Variants in ST8SIA6 observed in about 807,000 individuals in gnomAD.
ST8SIA6 encodes ST8 alpha-N-acetyl-neuraminide alpha-2,8-sialyltransferase 6.
In ST8SIA6, 39 loss-of-function variants were observed where a neutral mutation model predicts 33.6. That is an observed-to-expected ratio of 1.16 (90% CI 0.90 to 1.52). The LOEUF (loss-of-function observed/expected upper bound fraction) is 1.52, where lower values mean the gene tolerates loss of function less well. ST8SIA6 is among the 40% of genes most tolerant of loss of function. The pLI is 0.00. For missense variants in ST8SIA6, 441 were observed against 443.8 expected (o/e 0.99, Z 0.06); for synonymous variants, 172 against 167.2 (o/e 1.03, Z -0.22).
intron 2 of ST8SIA6, among the ~76,000 whole-genome samples, chr10:17,440,418 A>T (rs1852436282): frequency 6.6e-6 from 1 of 151,876 alleles, no homozygotes; most frequent in Non-Finnish European, 1.5e-5. Context: ...GTTGGCCAGG[A>T]TGGTCTCGAA....
At chr10:17,422,992 C>A (rs1208451128) in intron 2 of ST8SIA6, among the ~76,000 whole-genome samples, 1 of 152,126 alleles carries the variant, frequency 6.6e-6, no homozygotes, top group Non-Finnish European at 1.5e-5. Flanking sequence ...GATGAAAATC[C>A]CGTTCAATGT....
chr10:17,384,970 G>A (rs386839), intron 3 of ST8SIA6, among the ~76,000 whole-genome samples: 35,081 of 151,934 alleles, frequency 0.23, 5,131 homozygotes, highest in East Asian at 0.64. Flanking sequence ...AGCAATGAAA[G>A]ATCAGATGAA....
chr10:17,431,406 T>C (rs1215032793), intron 2 of ST8SIA6, among the ~76,000 whole-genome samples: 1 of 152,186 alleles, frequency 6.6e-6, no homozygotes, highest in East Asian at 1.9e-4. Context: ...GGAATAATGA[T>C]ATACCAATTT....
chr10:17,382,302 A>C (rs1850180204), intron 3 of ST8SIA6, among the ~76,000 whole-genome samples: 1 of 151,896 alleles, frequency 6.6e-6, no homozygotes, highest in Admixed American at 6.6e-5. Context: ...TCTTGCTCTT[A>C]TCACCCAGGC....
At chr10:17,380,058 T>C (rs1356363251) in intron 3 of ST8SIA6, among the ~76,000 whole-genome samples, 1 of 152,336 alleles carries the variant, frequency 6.6e-6, no homozygotes, top group Middle Eastern at 3.4e-3. Context: ...TTGGTTGAGA[T>C]CTAAAGTTTA....
intron 4 of ST8SIA6, among the ~76,000 whole-genome samples, chr10:17,347,767 C>T (rs953475197): frequency 1.1e-4 from 17 of 151,916 alleles, no homozygotes; most frequent in Non-Finnish European, 2.9e-5. Context: ...AACCCTGTCT[C>T]TACTAAAAAT....
At chr10:17,323,223 A>ATG (rs1423700675) in intron 6 of ST8SIA6, 66 bp from the exon 7 acceptor site, 54 of 951,206 alleles carry the variant, frequency 5.7e-5, no homozygotes, top group South Asian at 2.2e-4. Flanking sequence ...ATACACACAT[A>ATG]TGCGCGCACA....
chr10:17,316,310 A>G lies in ST8SIA6; in HGVS notation c.*4568T>C, dbSNP rs1267362066. On this transcript the variant is annotated 3_prime_UTR_variant, in exon 8 of 8. Transcript: ENST00000377602. ...CCTTTATGCTAAATTTAAAGGACAT[A>G]CCCTTATTTCTGTATATATGTCCAG... 3.9e-5 allele frequency among the ~76,000 whole-genome samples: 6 copies of G among 151,936 alleles called. No homozygotes were observed. Among genetic ancestry groups the G allele is most frequent in the Non-Finnish European group, 1.5e-5 (1 of 67,892 alleles).
chr10:17,449,748 A>C (rs1852843715), intron 2 of ST8SIA6, among the ~76,000 whole-genome samples: 1 of 152,346 alleles, frequency 6.6e-6, no homozygotes, highest in African/African-American at 2.4e-5. Context: ...GGCAAATAGA[A>C]TATGAAACAG....
intron 2 of ST8SIA6, among the ~76,000 whole-genome samples, chr10:17,405,495 AAT>A (rs1288991087): frequency 6.6e-6 from 1 of 151,302 alleles, no homozygotes; most frequent in East Asian, 1.9e-4. Context: ...ATTTGAATCA[AAT>A]AAACAAATTA....
chr10:17,415,292 A>C (rs532136968), intron 2 of ST8SIA6, among the ~76,000 whole-genome samples: 3 of 152,340 alleles, frequency 2.0e-5, no homozygotes, highest in Non-Finnish European at 2.9e-5. Flanking sequence ...GCAAATGCAG[A>C]GAAGGACTTT....
intron 6 of ST8SIA6, among the ~76,000 whole-genome samples, chr10:17,326,482 C>T (rs1848132140): frequency 6.6e-6 from 1 of 152,038 alleles, no homozygotes; most frequent in Admixed American, 6.6e-5. Flanking sequence ...TTTAAAAGAC[C>T]AGAACTTAGA....
rs777469676 is a variant in ST8SIA6, at chr10:17,318,774, A to G, written c.*2104T>C. ...GCAATGATTCACCAATACAGAACAA[A>G]AAGAACTGTGACTTACGTTTTACAG... On this transcript the variant is annotated 3_prime_UTR_variant, in exon 8 of 8. Transcript: ENST00000377602. 4.3e-6 allele frequency: 2 copies of G among 466,848 alleles called. No individual in the cohort carries two copies. The highest frequency in any genetic ancestry group is 1.6e-5 in the South Asian group (1 of 63,768). 28.9% of individuals were successfully genotyped at this position (466,848 alleles called of 1,614,324 possible). A position where few individuals can be genotyped will look rare whatever the true frequency, so the allele number is the denominator to read the frequency against.
chr10:17,451,121 A>G (rs919106363), intron 2 of ST8SIA6, among the ~76,000 whole-genome samples: 2 of 140,736 alleles, frequency 1.4e-5, no homozygotes, highest in East Asian at 1.9e-4. Context: ...TAAGGATTCA[A>G]TGAATTAAAT....
At chr10:17,421,450 C>T (rs1302928771) in intron 2 of ST8SIA6, among the ~76,000 whole-genome samples, 14 of 152,174 alleles carry the variant, frequency 9.2e-5, no homozygotes, top group Non-Finnish European at 2.1e-4. Context: ...TTTAATTGAC[C>T]TGTGCTTCTA....
chr10:17,328,880 T>G (rs1848215085), intron 5 of ST8SIA6, among the ~76,000 whole-genome samples: 1 of 152,122 alleles, frequency 6.6e-6, no homozygotes, highest in Non-Finnish European at 1.5e-5. Flanking sequence ...GTGAGCTGGT[T>G]TTTTAAAGCA....
chr10:17,406,029 T>C lies in ST8SIA6; in HGVS notation c.201-15409A>G, dbSNP rs563756230. On this transcript the variant is annotated intron_variant, in intron 2 of 7. Transcript: ENST00000377602. ...TGCATAAAAACACTTAGCACAGTCA[T>C]TGGAGTGGAGACCCTGCTTAATAAT... 2.6e-4 allele frequency among the ~76,000 whole-genome samples: 40 copies of C among 152,262 alleles called. No homozygotes were observed. In the South Asian group the frequency reaches 5.8e-3, roughly 22 times the overall value.
At chr10:17,345,070 C>T (rs1415750141) in intron 4 of ST8SIA6, among the ~76,000 whole-genome samples, 3 of 152,146 alleles carry the variant, frequency 2.0e-5, no homozygotes, top group Admixed American at 6.5e-5. Flanking sequence ...AATTAGAACA[C>T]GGTGCCGTCA....
At chr10:17,416,664 C>T (rs977081596) in intron 2 of ST8SIA6, among the ~76,000 whole-genome samples, 2 of 152,124 alleles carry the variant, frequency 1.3e-5, no homozygotes, top group South Asian at 2.1e-4. Flanking sequence ...TTCTCTTTAT[C>T]GGTACTTCTA....
Sources: gnomAD v4.1 joint callset for allele counts (sites outside exome capture counted in the v4.1 genomes callset) on GRCh38, gnomAD v4.1.1 for gene constraint, MANE v1.5 for transcripts, NCBI Gene and HGNC (gene_info 2026-07-23, HGNC 2026-07-21) for gene names.